The following AGTPBP1 variants were observed in gnomAD, a reference collection of about 807,000 sequenced individuals.
The protein encoded by AGTPBP1 is cytosolic carboxypeptidase 1.
A neutral mutation model predicts 143.9 loss-of-function variants in AGTPBP1; 70 were observed. That is an observed-to-expected ratio of 0.49 (90% CI 0.40 to 0.59). The LOEUF (loss-of-function observed/expected upper bound fraction) is 0.59, where lower values mean the gene tolerates loss of function less well. AGTPBP1 is among the 20% of genes least tolerant of loss of function. The pLI is 0.00. For missense variants in AGTPBP1, 1,229 were observed against 1,464.5 expected (o/e 0.84, Z 2.62); for synonymous variants, 463 against 500.2 (o/e 0.93, Z 0.99).
At chr9:85,764,506 G>C in the AGTPBP1 span, among the ~76,000 whole-genome samples, 2 of 151,846 alleles carry the variant, frequency 1.3e-5, no homozygotes, top group African/African-American at 4.8e-5. Context: ...CTCTAGCCTG[G>C]GGAACAAGAG....
At chr9:85,697,153 T>C (rs1030603939) in intron 2 of AGTPBP1, among the ~76,000 whole-genome samples, 1 of 152,206 alleles carries the variant, frequency 6.6e-6, no homozygotes, top group Non-Finnish European at 1.5e-5. Context: ...ATATGTCTTC[T>C]TTGTACCCTT....
chr9:85,605,552 G>A (rs1179795580), intron 17 of AGTPBP1, among the ~76,000 whole-genome samples: 1 of 151,998 alleles, frequency 6.6e-6, no homozygotes, highest in African/African-American at 2.4e-5. Flanking sequence ...TCATCAGAAA[G>A]TACAAAATTC....
At chr9:85,727,295 C>G (rs1179939069) in intron 1 of AGTPBP1, among the ~76,000 whole-genome samples, 6 of 152,170 alleles carry the variant, frequency 3.9e-5, no homozygotes, top group Admixed American at 2.0e-4. Context: ...CCACTGCACT[C>G]CAGCCTGGGC....
At chr9:85,703,900 G>A (rs1024587149) in intron 2 of AGTPBP1, among the ~76,000 whole-genome samples, 1 of 152,066 alleles carries the variant, frequency 6.6e-6, no homozygotes, top group Admixed American at 6.5e-5. Context: ...CCAATGAAGT[G>A]GGAAGAAAAA....
rs534661515 is a variant in AGTPBP1, at chr9:85,731,514, C to G, written c.-34+10261G>C. On this transcript the variant is annotated intron_variant, in intron 1 of 25. Transcript: ENST00000357081. Reference sequence around the variant, plus strand: ...TTGCTCTGTCACCCAGGCTACAGTACAGTGGCACAAACAAGGCTCACGGCA... The same window carrying G: ...TTGCTCTGTCACCCAGGCTACAGTAGAGTGGCACAAACAAGGCTCACGGCA... Among the ~76,000 whole-genome samples, 23 of 152,122 alleles carry G rather than the reference C, an allele frequency of 1.5e-4. 1 individual carries two copies. The South Asian group carries it at 4.8e-3, about 32-fold the overall frequency.
intron 25 of AGTPBP1, among the ~76,000 whole-genome samples, chr9:85,552,928 T>C (rs966042302): frequency 1.3e-5 from 2 of 152,182 alleles, no homozygotes; most frequent in African/African-American, 4.8e-5. Context: ...TGGCAATTGG[T>C]GAATTGCTGA....
intron 7 of AGTPBP1, among the ~76,000 whole-genome samples, chr9:85,670,011 A>T (rs898287734): frequency 2.6e-5 from 4 of 152,198 alleles, no homozygotes; most frequent in Admixed American, 6.5e-5. Flanking sequence ...GTTGTAGACT[A>T]TTTGGATTAC....
At chr9:85,615,243 T>C (rs1830541591) in intron 17 of AGTPBP1, among the ~76,000 whole-genome samples, 1 of 152,096 alleles carries the variant, frequency 6.6e-6, no homozygotes, top group Non-Finnish European at 1.5e-5. Flanking sequence ...AATTTAATAC[T>C]TCACCAGCAC....
chr9:85,558,800 G>C (rs1039572878), intron 25 of AGTPBP1, among the ~76,000 whole-genome samples: 75 of 152,084 alleles, frequency 4.9e-4, no homozygotes, highest in African/African-American at 1.7e-3. Context: ...TGTATTTTTT[G>C]TAGAGACAGG....
chr9:85,709,649 CA>C (rs1837241098), intron 2 of AGTPBP1, among the ~76,000 whole-genome samples: 2 of 152,062 alleles, frequency 1.3e-5, no homozygotes, highest in East Asian at 3.8e-4. Flanking sequence ...TGAGAGAAAA[CA>C]AAAGTTAACA....
chr9:85,596,541 G>A, intron 17 of AGTPBP1, 92 bp from the exon 18 acceptor site: 3 of 790,014 alleles, frequency 3.8e-6, no homozygotes, highest in South Asian at 2.2e-5. Flanking sequence ...CAAACATTCA[G>A]GAAAGCAGAA....
chr9:85,615,576 T>C (rs188271435), intron 17 of AGTPBP1, among the ~76,000 whole-genome samples: 5 of 152,204 alleles, frequency 3.3e-5, no homozygotes, highest in Admixed American at 3.3e-4. Flanking sequence ...ACACATGAGC[T>C]TTCATACTAT....
the AGTPBP1 span, among the ~76,000 whole-genome samples, chr9:85,767,041 CTAAAAT>C: frequency 7.1e-6 from 1 of 140,946 alleles, no homozygotes; most frequent in Non-Finnish European, 1.5e-5. Flanking sequence ...AATCCAGAAA[CTAAAAT>C]TAAAGAATAC....
chr9:85,775,601 AAT>A, the AGTPBP1 span, among the ~76,000 whole-genome samples: 1 of 147,506 alleles, frequency 6.8e-6, no homozygotes, highest in Non-Finnish European at 1.5e-5. Flanking sequence ...TATATATATA[AAT>A]ATAAAGGGGA....
chr9:85,802,923 T>C, the AGTPBP1 span, among the ~76,000 whole-genome samples: 1 of 152,268 alleles, frequency 6.6e-6, no homozygotes, highest in Non-Finnish European at 1.5e-5. Context: ...GCTCATGTTC[T>C]ATAACTTAAT....
At chr9:85,678,421 T>A in intron 4 of AGTPBP1, 23 bp from the exon 5 acceptor site, 2 of 1,481,954 alleles carry the variant, frequency 1.3e-6, no homozygotes, top group Non-Finnish European at 1.8e-6. Flanking sequence ...GTTTGTTTTA[T>A]TAAAACATTG....
At chr9:85,786,097 T>G in the AGTPBP1 span, 9 of 1,548,878 alleles carry the variant, frequency 5.8e-6, no homozygotes, top group Non-Finnish European at 7.0e-6. Flanking sequence ...GGGATTATTT[T>G]TAGATCATAA....
intron 16 of AGTPBP1, 32 bp downstream of exon 16, chr9:85,619,183 C>T (rs748811008): frequency 3.7e-6 from 6 of 1,609,478 alleles, no homozygotes; most frequent in Non-Finnish European, 5.1e-6. Context: ...TATCTGTGCA[C>T]ATACAAAATG....
chr9:85,737,270 A>C (rs1230378715), intron 1 of AGTPBP1, among the ~76,000 whole-genome samples: 1 of 152,190 alleles, frequency 6.6e-6, no homozygotes, highest in Non-Finnish European at 1.5e-5. Context: ...TGGCTGTCTC[A>C]AAGTAAAGTG....
Sources: gnomAD v4.1 joint callset for allele counts (sites outside exome capture counted in the v4.1 genomes callset) on GRCh38, gnomAD v4.1.1 for gene constraint, MANE v1.5 for transcripts, NCBI Gene and HGNC (gene_info 2026-07-23, HGNC 2026-07-21) for gene names.